PPIH: variants seen among roughly 807,000 people sequenced by gnomAD.
PPIH encodes the protein peptidyl-prolyl cis-trans isomerase H.
PPIH carries 16 observed loss-of-function variants against 27.6 expected under a neutral mutation model. That is an observed-to-expected ratio of 0.58 (90% CI 0.39 to 0.88). PPIH has a LOEUF of 0.88. Among genes scored for constraint, PPIH ranks in the 40% least tolerant of loss-of-function variants. The probability of loss-of-function intolerance (pLI) is 0.00; values close to 1 mark genes in which losing one functional copy is unlikely to be tolerated. For missense variants in PPIH, 155 were observed against 224.1 expected, an observed-to-expected ratio of 0.69 and a Z score of 1.97; for synonymous variants, 63 against 76.1, an observed-to-expected ratio of 0.83 and a Z score of 0.90.
chr1:42,679,926 G>A (rs374252006), downstream of PPIH, among the ~76,000 whole-genome samples: 3 of 152,298 alleles, frequency 2.0e-5, no homozygotes, highest in Admixed American at 6.5e-5. Context: ...CCCTTCTGCT[G>A]CCAGTACCTT....
chr1:42,674,522 T>A (rs747416041), intron 9 of PPIH, among the ~76,000 whole-genome samples: 66 of 152,232 alleles, frequency 4.3e-4, no homozygotes, highest in Non-Finnish European at 7.9e-4. Flanking sequence ...TGAAGTAATT[T>A]TTCCCTTTTG....
intron 9 of PPIH, among the ~76,000 whole-genome samples, chr1:42,675,635 C>G (rs144142001): frequency 6.6e-6 from 1 of 152,272 alleles, no homozygotes; most frequent in African/African-American, 2.4e-5. Flanking sequence ...AGTACGATGC[C>G]AGTACCCATT....
intron 9 of PPIH, among the ~76,000 whole-genome samples, chr1:42,670,450 G>A (rs1570398173): frequency 6.6e-6 from 1 of 151,998 alleles, no homozygotes. Flanking sequence ...GTATCTTTTT[G>A]AGTCTTTTAC....
chr1:42,674,128 T>C (rs1227348316), intron 9 of PPIH, among the ~76,000 whole-genome samples: 2 of 152,244 alleles, frequency 1.3e-5, no homozygotes, highest in Non-Finnish European at 2.9e-5. Context: ...TTGGGAGAAC[T>C]GACAATTACA....
chr1:42,669,525 G>A (rs564757233), intron 9 of PPIH, among the ~76,000 whole-genome samples: 1 of 152,342 alleles, frequency 6.6e-6, no homozygotes, highest in South Asian at 2.1e-4. Flanking sequence ...CCCACCTCAA[G>A]TGGTCTGCCC....
At chr1:42,669,249 C>T (rs1159210661) in intron 9 of PPIH, among the ~76,000 whole-genome samples, 2 of 151,704 alleles carry the variant, frequency 1.3e-5, no homozygotes, top group Non-Finnish European at 2.9e-5. Context: ...GGCTGAGCAT[C>T]CCTAATCCGA....
chr1:42,672,579 T>C (rs1224606374), intron 9 of PPIH, among the ~76,000 whole-genome samples: 2 of 152,184 alleles, frequency 1.3e-5, no homozygotes, highest in Non-Finnish European at 2.9e-5. Context: ...GAGCACTTCT[T>C]TCCAGAACCT....
downstream of PPIH, among the ~76,000 whole-genome samples, chr1:42,679,483 G>A (rs1239260746): frequency 1.3e-5 from 2 of 152,200 alleles, no homozygotes; most frequent in Non-Finnish European, 1.5e-5. Context: ...GTGCCTGGCT[G>A]CAAACTAGTT....
intron 9 of PPIH, among the ~76,000 whole-genome samples, chr1:42,670,014 T>C (rs1315553023): frequency 1.3e-5 from 2 of 152,250 alleles, no homozygotes; most frequent in African/African-American, 4.8e-5. Context: ...TGACCAACTC[T>C]GTTCAGAAAG....
intron 4 of PPIH, 103 bp downstream of exon 4, chr1:42,659,669 T>G: frequency 6.7e-7 from 1 of 1,490,544 alleles, no homozygotes; most frequent in Non-Finnish European, 8.9e-7. Context: ...TTACATTTCT[T>G]GAGAAGAAAT....
At chr1:42,676,891 GC>G (rs1649910278), downstream of PPIH, 4 of 152,108 alleles carry the variant, frequency 2.6e-5, no homozygotes, top group Admixed American at 2.6e-4. Flanking sequence ...CCAGAGCCAA[GC>G]TTTTGCTGTG....
chr1:42,659,662 C>T, intron 4 of PPIH, 96 bp downstream of exon 4: 2 of 1,504,368 alleles, frequency 1.3e-6, no homozygotes, highest in South Asian at 1.3e-5. Flanking sequence ...GTAATTCTTA[C>T]ATTTCTTGAG....
At chr1:42,680,775 A>G (rs1045860249), downstream of PPIH, among the ~76,000 whole-genome samples, 1 of 152,220 alleles carries the variant, frequency 6.6e-6, no homozygotes, top group African/African-American at 2.4e-5. Flanking sequence ...AAATATGTAA[A>G]GATTCGTGTC....
At chr1:42,664,249 T>C (rs1250019147) in intron 5 of PPIH, among the ~76,000 whole-genome samples, 1 of 152,236 alleles carries the variant, frequency 6.6e-6, no homozygotes, top group Non-Finnish European at 1.5e-5. Context: ...CTCTGTTCTC[T>C]AGCCCAGCTT....
At chr1:42,660,590 C>T (rs1193873011) in intron 4 of PPIH, among the ~76,000 whole-genome samples, 3 of 152,092 alleles carry the variant, frequency 2.0e-5, no homozygotes, top group African/African-American at 7.2e-5. Context: ...CCACCACGCT[C>T]GGCTAATTTT....
chr1:42,664,368 AGAGT>A (rs1257146819), intron 5 of PPIH, among the ~76,000 whole-genome samples: 1 of 152,230 alleles, frequency 6.6e-6, no homozygotes, highest in Non-Finnish European at 1.5e-5. Flanking sequence ...TAGTTGGCCC[AGAGT>A]GAGTTAGGCA....
At chr1:42,675,276 A>G (rs1245996216) in intron 9 of PPIH, 1 of 152,154 alleles carries the variant, frequency 6.6e-6, no homozygotes, top group Non-Finnish European at 1.5e-5. Context: ...AACTAATCCT[A>G]AATCCTCCCA....
At position 42,658,511 on chromosome 1, in the gene PPIH, A is replaced by G; in HGVS notation, c.65A>G (p.Gln22Arg). Residue 22 changes from glutamine to arginine, a missense_variant and splice_region_variant, in exon 1 of 10, where the codon CAG becomes CGG. Coordinates refer to ENST00000304979, the MANE Select transcript of PPIH (RefSeq NM_006347.4). ...TTCTTTGATGTCAGTATTGGCGGTC[A>G]GGTGAGATCCAGGAGGCTGCCCACA... ...VVFFDVSIGGQEVGRMKIELF... is the reference protein window; with the variant it reads ...VVFFDVSIGGREVGRMKIELF... 6.2e-7 allele frequency: 1 copy of G among 1,613,890 alleles called. No individual in the cohort carries two copies. The highest frequency in any genetic ancestry group is 8.5e-7 in the Non-Finnish European group (1 of 1,179,732).
chr1:42,658,506 C>T lies in PPIH; in HGVS notation c.60C>T (p.Gly20=), dbSNP rs1303028059. ...NPVVFFDVSI[G]GQEVGRMKIE... ...TGGTGTTCTTTGATGTCAGTATTGG[C>T]GGTCAGGTGAGATCCAGGAGGCTGC... Residue 20 remains glycine (G), a synonymous_variant, in exon 1 of 10, where the codon GGC becomes GGT. Coordinates refer to ENST00000304979, the MANE Select transcript of PPIH (RefSeq NM_006347.4). The T allele has an allele frequency of 1.3e-5, 21 of 1,613,882 alleles. No individual in the cohort carries two copies. Among genetic ancestry groups the T allele is most frequent in the Non-Finnish European group, 1.7e-5 (20 of 1,179,770 alleles).
Sources: gnomAD v4.1 joint callset for allele counts (sites outside exome capture counted in the v4.1 genomes callset) on GRCh38, gnomAD v4.1.1 for gene constraint, MANE v1.5 for transcripts, NCBI Gene and HGNC (gene_info 2026-07-23, HGNC 2026-07-21) for gene names.